PSMB10: variants seen among roughly 807,000 people sequenced by gnomAD.
The protein encoded by PSMB10 is proteasome subunit beta type-10.
Under a neutral mutation model 29.8 loss-of-function variants are expected in PSMB10, and 29 were observed. That is an observed-to-expected ratio of 0.97 (90% CI 0.73 to 1.33). The LOEUF (loss-of-function observed/expected upper bound fraction) is 1.33, where lower values mean the gene tolerates loss of function less well. Among genes scored for constraint, PSMB10 ranks in the 40% most tolerant of loss-of-function variants. PSMB10 has a pLI of 0.00. For synonymous variants in PSMB10, 157 were observed against 164.7 expected, an observed-to-expected ratio of 0.95 and a Z score of 0.36; for missense variants, 327 against 369.2, an observed-to-expected ratio of 0.89 and a Z score of 0.94.
At chr16:67,935,859 G>A in intron 4 of PSMB10, 104 bp downstream of exon 4, 1 of 1,516,794 alleles carries the variant, frequency 6.6e-7, no homozygotes. Context: ...GCCTCTTCCG[G>A]TCACCTGGCC....
intron 6 of PSMB10, 138 bp downstream of exon 6, chr16:67,935,282 C>G: frequency 9.5e-7 from 1 of 1,057,650 alleles, no homozygotes; most frequent in Non-Finnish European, 1.4e-6. Context: ...CTTCTCTGCC[C>G]TTACTCCACT....
chr16:67,934,757 G>A lies in PSMB10; in HGVS notation c.710+40C>T. 1 of 1,610,636 alleles carries A rather than the reference G, an allele frequency of 6.2e-7. No individual in the cohort carries two copies. The highest frequency in any genetic ancestry group is 8.5e-7 in the Non-Finnish European group (1 of 1,177,122). ...GCAGCCCCCTATCTCCCCTGCTATA[G>A]CCCCACACATCCCTGTGGTCCCCGA... On this transcript the variant is annotated intron_variant, in intron 7 of 7. Transcript: ENST00000358514. The surrounding 1 kb of genome is among the most constrained non-coding windows in gnomAD (Gnocchi z 4.3).
At position 67,934,547 on chromosome 16, in the gene PSMB10, T is replaced by C. The variant is rs759230200; in HGVS notation, c.*13A>G. 6.2e-7 allele frequency: 1 copy of C among 1,608,420 alleles called. No individual in the cohort carries two copies. The highest frequency in any genetic ancestry group is 1.7e-4 in the Middle Eastern group (1 of 6,056). ...GGGTTTATTCCCCCTTGTTCCAAGC[T>C]CTAAGCCTCAGCTTACTCCACCTCC... is the stretch of plus-strand genomic sequence containing the variant. On this transcript the variant is annotated 3_prime_UTR_variant, in exon 8 of 8. Transcript: ENST00000358514. The surrounding 1 kb of genome is among the most constrained non-coding windows in gnomAD (Gnocchi z 4.3).
intron 4 of PSMB10, 74 bp downstream of exon 4, chr16:67,935,889 T>A (rs907496816): frequency 3.1e-5 from 48 of 1,560,802 alleles, no homozygotes; most frequent in Non-Finnish European, 4.2e-5. Context: ...CCCGCCCTTC[T>A]TTCTGTCCCG....
rs760754814 is a variant in PSMB10, at chr16:67,936,720, C to T, written c.30G>A (p.Gly10=). ...TTTGGCAGTTCTCGAAGGAGAAGCC[C>T]CCTCGGGGCTCCAGGGCTGGCTTCA... is the stretch of plus-strand genomic sequence containing the variant. The part of the protein sequence containing the change: MLKPALEPR[G]GFSFENCQRN... The change falls in exon 1 of 8, where the codon GGG becomes GGA. Residue 10 remains glycine, a synonymous_variant. Coordinates refer to ENST00000358514, the MANE Select transcript of PSMB10 (RefSeq NM_002801.4). 5 of 1,556,888 alleles carry T rather than the reference C, an allele frequency of 3.2e-6. No individual in the cohort carries two copies. Among genetic ancestry groups the T allele is most frequent in the Non-Finnish European group, 4.3e-6 (5 of 1,149,914 alleles).
Position 67,934,913 on chromosome 16 carries a change from G to C in PSMB10, c.594C>G (p.Val198=). Residue 198 remains valine (V), a synonymous_variant, in exon 7 of 8, where the codon GTC becomes GTG. Coordinates refer to ENST00000358514, the MANE Select transcript of PSMB10 (RefSeq NM_002801.4). This position sits in a 1 kb window ranked among gnomAD's most constrained non-coding sequence, Gnocchi z 4.3. ...CCAGGTCACCCAAGATCCCGGCGGT[G>C]ACGGCTTCCACCAGCAGCCCCTGAG... ...EAAQGLLVEA[V]TAGILGDLGS... 6.2e-7 allele frequency: 1 copy of C among 1,613,042 alleles called. No individual in the cohort carries two copies. The highest frequency in any genetic ancestry group is 8.5e-7 in the Non-Finnish European group (1 of 1,180,006).
intron 2 of PSMB10, 37 bp from the exon 3 acceptor site, chr16:67,936,349 T>C: frequency 6.2e-7 from 1 of 1,611,040 alleles, no homozygotes; most frequent in Non-Finnish European, 8.5e-7. Context: ...CAGTGCCTGC[T>C]CGATACTCTC....
At chr16:67,936,154 C>T in intron 3 of PSMB10, 51 bp from the exon 4 acceptor site, 1 of 1,608,600 alleles carries the variant, frequency 6.2e-7, no homozygotes, top group Non-Finnish European at 8.5e-7. Context: ...GTGCGGGGAC[C>T]GGAGTGGGAA....
intron 2 of PSMB10, 38 bp from the exon 3 acceptor site, chr16:67,936,350 C>T (rs375925856): frequency 3.3e-4 from 528 of 1,610,770 alleles, no homozygotes; most frequent in Admixed American, 4.3e-4. Context: ...AGTGCCTGCT[C>T]GATACTCTCG....
At chr16:67,935,347 G>A in intron 6 of PSMB10, 73 bp downstream of exon 6, 1 of 1,590,250 alleles carries the variant, frequency 6.3e-7, no homozygotes, top group Non-Finnish European at 8.6e-7. Flanking sequence ...ACTGGGCCAG[G>A]GTCCTGTGCT....
chr16:67,935,920 C>T (rs1309668730), intron 4 of PSMB10, 43 bp downstream of exon 4: 5 of 1,587,554 alleles, frequency 3.1e-6, no homozygotes, highest in Non-Finnish European at 4.3e-6. Context: ...GCCCCAACCC[C>T]GTAACTACCC....
chr16:67,935,793 GCTGGC>G, intron 4 of PSMB10, 96 bp from the exon 5 acceptor site: 1 of 1,497,174 alleles, frequency 6.7e-7, no homozygotes, highest in African/African-American at 1.4e-5. Flanking sequence ...CTTCCTGTGG[GCTGGC>G]GCCCGATGAC....
rs748084838 is a variant in PSMB10, at chr16:67,936,081, C to T, written c.265G>A (p.Ala89Thr). 1.1e-5 allele frequency: 17 copies of T among 1,610,640 alleles called. No homozygotes were observed. Among genetic ancestry groups the T allele is most frequent in the South Asian group, 2.2e-5 (2 of 91,044 alleles). The change falls in exon 4 of 8, where the codon GCG (alanine) becomes ACG (threonine). Residue 89 changes from alanine (A) to threonine (T), a missense_variant. Physicochemically the swap from Ala to Thr is moderately conservative, Grantham distance 58 (BLOSUM62 0). Coordinates refer to ENST00000358514, the MANE Select transcript of PSMB10 (RefSeq NM_002801.4). ...ATCCGTGTGGTCATCTCGGCGTCCGCGGCTACTCCAGCCCCACAGCAGCTG... is the reference window on the plus strand; with the variant it reads ...ATCCGTGTGGTCATCTCGGCGTCCGTGGCTACTCCAGCCCCACAGCAGCTG... ...KIYCCGAGVA[A>T]DAEMTTRMVA...
Position 67,936,309 on chromosome 16 carries a change from C to T in PSMB10, c.148G>A (p.Gly50Arg), listed in dbSNP as rs1383876922. ...CGCGTATCGGCGCCCAGAATGACCC[C>T]GTCCTGAGGAGAGGGAGGGACCGCA... ...TTIAGLVFQD[G>R]VILGADTRAT... The change falls in exon 3 of 8, where the codon GGG becomes AGG. Residue 50 changes from glycine to arginine, a missense_variant. Coordinates refer to ENST00000358514, the MANE Select transcript of PSMB10 (RefSeq NM_002801.4). 2.5e-6 allele frequency: 4 copies of T among 1,613,008 alleles called. No homozygotes were observed. The highest frequency in any genetic ancestry group is 1.3e-5 in the African/African-American group (1 of 74,880).
Position 67,936,460 on chromosome 16 carries a change from G to A in PSMB10, c.82C>T (p.Pro28Ser), listed in dbSNP as rs1567406400. Reference protein sequence around the residue: ...QRNASLERVLPGLKVPHARKT... With the variant: ...QRNASLERVLSGLKVPHARKT... ...CGTGCGTGAGGGACCTTGAGCCCCGGGAGGACGCGTTCCAATGATGCATTT... is the reference window on the plus strand; with the variant it reads ...CGTGCGTGAGGGACCTTGAGCCCCGAGAGGACGCGTTCCAATGATGCATTT... Residue 28 changes from proline (P) to serine (S), a missense_variant, in exon 2 of 8, where the codon CCG becomes TCG. Transcript: ENST00000358514. 1.2e-6 allele frequency: 2 copies of A among 1,613,502 alleles called. No individual in the cohort carries two copies. Among genetic ancestry groups the A allele is most frequent in the Admixed American group, 1.7e-5 (1 of 59,952 alleles).
chr16:67,936,229 G>A lies in PSMB10; in HGVS notation c.228C>T (p.Ile76=), dbSNP rs1298241601. The A allele has an allele frequency of 1.2e-6, 2 of 1,613,962 alleles. No homozygotes were observed. The highest frequency in any genetic ancestry group is 1.3e-5 in the African/African-American group (1 of 74,922). The change falls in exon 3 of 8, where the codon ATC becomes ATT. Residue 76 remains isoleucine, a synonymous_variant. Coordinates refer to ENST00000358514, the MANE Select transcript of PSMB10 (RefSeq NM_002801.4). ...ADKSCEKIHF[I]APKIYCCGAG... ...GGGAGTCTCACTAGATTTTGGGGGC[G>A]ATGAAGTGGATCTTCTCGCAGCTCT... is the stretch of plus-strand genomic sequence containing the variant.
chr16:67,935,071 T>G lies in PSMB10; in HGVS notation c.559-123A>C. 3.7e-6 allele frequency: 5 copies of G among 1,336,748 alleles called. No individual in the cohort carries two copies. The South Asian group carries it at 6.9e-5, about 19-fold the overall frequency. The allele number at this position is 1,336,748 out of a possible 1,614,324, so 82.8% of individuals were successfully genotyped here. ...GCCCTCCAAACCCCCACTGTGTTTC[T>G]CCCTCTGAGCCTTAGCCACCTCTGA... On this transcript the variant is annotated intron_variant, in intron 6 of 7. Coordinates refer to ENST00000358514, the MANE Select transcript of PSMB10 (RefSeq NM_002801.4).
At position 67,934,605 on chromosome 16, in the gene PSMB10, G is replaced by A. The variant is rs766368058; in HGVS notation, c.777C>T (p.Thr259=). 1.9e-6 allele frequency: 3 copies of A among 1,614,152 alleles called. No individual in the cohort carries two copies. In the Admixed American group the frequency reaches 5.0e-5, roughly 27 times the overall value. Residue 259 remains threonine (T), a synonymous_variant, in exon 8 of 8, where the codon ACC becomes ACT. Coordinates refer to ENST00000358514, the MANE Select transcript of PSMB10 (RefSeq NM_002801.4). The surrounding 1 kb of genome is among the most constrained non-coding windows in gnomAD (Gnocchi z 4.3). ...GCACAGTTTCCTCCACTAGCTCCAG[G>A]GTTAGTGGCTTCACTGTCTGGGTCA... ...AVLTQTVKPL[T]LELVEETVQA... is the part of the protein sequence containing the mutation.
chr16:67,935,514 C>A (rs750867899), intron 5 of PSMB10, 36 bp from the exon 6 acceptor site: 1 of 1,613,994 alleles, frequency 6.2e-7, no homozygotes, highest in Non-Finnish European at 8.5e-7. Flanking sequence ...TCAACCGCTG[C>A]GACGCCGTTT....
Sources: gnomAD v4.1 joint callset for allele counts on GRCh38, gnomAD v4.1.1 for gene constraint, Gnocchi (gnomAD v3.1) non-coding constraint, MANE v1.5 for transcripts, NCBI Gene and HGNC (gene_info 2026-07-23, HGNC 2026-07-21) for gene names.